Variants in CASZ1 observed in about 807,000 individuals in gnomAD.
CASZ1 encodes zinc finger protein castor homolog 1.
CASZ1 carries 28 observed loss-of-function variants against 135.2 expected under a neutral mutation model. The observed-to-expected ratio is 0.21, with a 90% CI of 0.15 to 0.28. CASZ1 has a LOEUF of 0.28. Among genes scored for constraint, CASZ1 ranks in the 10% least tolerant of loss-of-function variants. The probability of loss-of-function intolerance (pLI) is 1.00; values close to 1 mark genes in which losing one functional copy is unlikely to be tolerated. For missense variants in CASZ1, 2,161 were observed against 2,453.3 expected, an observed-to-expected ratio of 0.88 and a Z score of 2.52; for synonymous variants, 1,068 against 1,073.4, an observed-to-expected ratio of 0.99 and a Z score of 0.10.
intron 1 of CASZ1, among the ~76,000 whole-genome samples, chr1:10,768,591 G>A (rs1323089850): frequency 6.6e-6 from 1 of 152,222 alleles, no homozygotes; most frequent in Non-Finnish European, 1.5e-5. Context: ...GAAGGGTGAG[G>A]AGGAGGCATC....
rs1643242386 is a variant in CASZ1, at chr1:10,666,601, G to A, written c.17-1030C>T. Reference sequence around the variant, plus strand: ...CGGTCACAGCACCTAATCCCCGAATGTGACAGCCCGACACACACAGCCGGA... The same window carrying A: ...CGGTCACAGCACCTAATCCCCGAATATGACAGCCCGACACACACAGCCGGA... On this transcript the variant is annotated intron_variant, in intron 4 of 20. Coordinates refer to ENST00000377022, the MANE Select transcript of CASZ1 (RefSeq NM_001079843.3). This position sits in a 1 kb window ranked among gnomAD's most constrained non-coding sequence, Gnocchi z 5.2. 6.6e-6 allele frequency among the ~76,000 whole-genome samples: 1 copy of A among 152,178 alleles called. No homozygotes were observed. Among genetic ancestry groups the A allele is most frequent in the Non-Finnish European group, 1.5e-5 (1 of 68,036 alleles).
chr1:10,688,143 G>A (rs563760407), intron 4 of CASZ1, among the ~76,000 whole-genome samples: 73 of 152,342 alleles, frequency 4.8e-4, no homozygotes, highest in East Asian at 1.2e-3. Flanking sequence ...AGGAGCAGCC[G>A]TGGCAGAGGA....
rs192639071 is a variant in CASZ1 at position 10,691,640 on chromosome 1, G to A, written c.16+2234C>T. On this transcript the variant is annotated intron_variant, in intron 4 of 20. Coordinates refer to ENST00000377022, the MANE Select transcript of CASZ1 (RefSeq NM_001079843.3). ...GCCACGAGCCCCGGCCAGAGACGAG[G>A]CCCATGGCCCCAGCTGTATGCCGTG... 2.7e-4 allele frequency among the ~76,000 whole-genome samples: 41 copies of A among 152,342 alleles called. No individual in the cohort carries two copies. The East Asian group carries it at 7.9e-3, about 29-fold the overall frequency.
At chr1:10,687,236 C>A (rs1423220073) in intron 4 of CASZ1, among the ~76,000 whole-genome samples, 3 of 152,208 alleles carry the variant, frequency 2.0e-5, no homozygotes, top group African/African-American at 4.8e-5. Context: ...GGCCAGGCGA[C>A]CTTTGGGAAC....
Position 10,749,176 on chromosome 1 carries a change from A to G in CASZ1, c.-77+11525T>C, listed in dbSNP as rs147592904. On this transcript the variant is annotated intron_variant, in intron 2 of 20. Transcript: ENST00000377022. ...TAGACACAGCCAGATGGTCTCCACGACATGCCCTCCACCCTGTCCCCATCT... is the reference window on the plus strand; with the variant it reads ...TAGACACAGCCAGATGGTCTCCACGGCATGCCCTCCACCCTGTCCCCATCT... Among the ~76,000 whole-genome samples the G allele has an allele frequency of 1.1e-3, 168 of 152,062 alleles. 2 individuals carry two copies. The East Asian group carries it at 0.03, about 27-fold the overall frequency.
Position 10,756,148 on chromosome 1 carries a change from G to A in CASZ1, c.-77+4553C>T, listed in dbSNP as rs1255461390. On this transcript the variant is annotated intron_variant, in intron 2 of 20. Transcript: ENST00000377022. This position sits in a 1 kb window ranked among gnomAD's most constrained non-coding sequence, Gnocchi z 5.9. ...AGCCAGGCAGAGGCACCAGCTGTAG[G>A]CCTGGGAGAGCCCCACCACTCCCGC... Among the ~76,000 whole-genome samples the A allele has an allele frequency of 6.6e-6, 1 of 152,050 alleles. No homozygotes were observed. Among genetic ancestry groups the A allele is most frequent in the Non-Finnish European group, 1.5e-5 (1 of 67,982 alleles).
intron 2 of CASZ1, among the ~76,000 whole-genome samples, chr1:10,712,104 G>A (rs577201637): frequency 4.3e-4 from 66 of 152,244 alleles, no homozygotes; most frequent in Middle Eastern, 3.4e-3. Flanking sequence ...CCAGCACTTC[G>A]GGAGACCAAG....
At chr1:10,649,576 T>G in intron 13 of CASZ1, 139 bp from the exon 14 acceptor site, 1 of 1,003,238 alleles carries the variant, frequency 1.0e-6, no homozygotes, top group Non-Finnish European at 1.4e-6. Context: ...GCCCGCCTAC[T>G]TGGCTCTGGC....
chr1:10,650,784 C>T (rs763134403), intron 12 of CASZ1, 29 bp from the exon 13 acceptor site: 1 of 1,598,188 alleles, frequency 6.3e-7, no homozygotes, highest in Admixed American at 1.7e-5. Flanking sequence ...GGGACTTGAG[C>T]TCAGACGGCC....
intron 4 of CASZ1, among the ~76,000 whole-genome samples, chr1:10,693,386 G>C (rs1638825975): frequency 1.3e-5 from 2 of 148,888 alleles, no homozygotes; most frequent in Admixed American, 1.4e-4. Flanking sequence ...CCCGAAACCA[G>C]ACTAACCACC....
intron 2 of CASZ1, among the ~76,000 whole-genome samples, chr1:10,737,576 T>C (rs1639824566): frequency 6.6e-6 from 1 of 152,228 alleles, no homozygotes; most frequent in African/African-American, 2.4e-5. Flanking sequence ...CTGAGATATC[T>C]GGGGGACCTC....
At chr1:10,780,357 G>C (rs973093062) in intron 1 of CASZ1, among the ~76,000 whole-genome samples, 1 of 152,178 alleles carries the variant, frequency 6.6e-6, no homozygotes, top group Non-Finnish European at 1.5e-5. Context: ...GGTCTCGCCT[G>C]CCTCTCCATT....
intron 1 of CASZ1, among the ~76,000 whole-genome samples, chr1:10,764,930 T>A (rs1034197849): frequency 6.6e-6 from 1 of 152,210 alleles, no homozygotes; most frequent in African/African-American, 2.4e-5. Flanking sequence ...TTGCAACCTG[T>A]CATCTGACAG....
chr1:10,665,243 C>A lies in CASZ1; in HGVS notation c.345G>T (p.Glu115Asp). 1 of 1,603,992 alleles carries A rather than the reference C, an allele frequency of 6.2e-7. No individual in the cohort carries two copies. ...CCATGTAGACACCCTCGGGAGGCAG[C>A]TCCAGGCCCTCGCGGGCAATCCGCC... ...VLGRIAREGL[E>D]LPPEGVYMVQ... Residue 115 changes from glutamate (E) to aspartate (D), a missense_variant, in exon 5 of 21, where the codon GAG becomes GAT. Transcript: ENST00000377022.
intron 2 of CASZ1, among the ~76,000 whole-genome samples, chr1:10,733,596 G>A (rs1399982790): frequency 6.6e-6 from 1 of 152,174 alleles, no homozygotes; most frequent in Non-Finnish European, 1.5e-5. Flanking sequence ...TATAACTCAG[G>A]GACGGGCACT....
rs1024382649 is a variant in CASZ1, at chr1:10,647,732, C to A, written c.3497+69G>T. 9 of 1,600,510 alleles carry A rather than the reference C, an allele frequency of 5.6e-6. No individual in the cohort carries two copies. In the East Asian group the frequency reaches 1.6e-4, roughly 28 times the overall value. On this transcript the variant is annotated intron_variant, in intron 16 of 20. Transcript: ENST00000377022. This position sits in a 1 kb window ranked among gnomAD's most constrained non-coding sequence, Gnocchi z 4.9. Reference sequence around the variant, plus strand: ...CGCAGTGAGGAACAGGGCCTCCTAGCGCCCTTGCTAGCACCTACTCCCGAG... The same window carrying A: ...CGCAGTGAGGAACAGGGCCTCCTAGAGCCCTTGCTAGCACCTACTCCCGAG...
In CASZ1 at chr1:10,720,122, G is replaced by A. The variant is rs901559755; in HGVS notation, c.-76-14578C>T. Among the ~76,000 whole-genome samples, 3 of 152,240 alleles carry A rather than the reference G, an allele frequency of 2.0e-5. No homozygotes were observed. The highest frequency in any genetic ancestry group is 4.4e-5 in the Non-Finnish European group (3 of 68,046). On this transcript the variant is annotated intron_variant, in intron 2 of 20. Transcript: ENST00000377022. This position sits in a 1 kb window ranked among gnomAD's most constrained non-coding sequence, Gnocchi z 5.7. ...CAAGTTCTGAAGTCTGGTAGGTACCGATGGGCATGTGATCTGGCCTCTCCG... is the reference window on the plus strand; with the variant it reads ...CAAGTTCTGAAGTCTGGTAGGTACCAATGGGCATGTGATCTGGCCTCTCCG...
Position 10,654,022 on chromosome 1 carries a change from A to C in CASZ1, c.2035T>G (p.Phe679Val), listed in dbSNP as rs1464435396. The C allele has an allele frequency of 6.2e-7, 1 of 1,614,202 alleles. No homozygotes were observed. The highest frequency in any genetic ancestry group is 8.5e-7 in the Non-Finnish European group (1 of 1,180,028). Residue 679 changes from phenylalanine (F) to valine (V), a missense_variant, in exon 11 of 21, where the codon TTC (phenylalanine) becomes GTC (valine). Transcript: ENST00000377022. ...GAGGTCATCTGGCTGGTGGAGGTGA[A>C]GGTGAAGCCGCAGCCGGCGCGGATG... The part of the protein sequence containing the change: ...HCIRAGCGFT[F>V]TSTSQMTSHK...
At chr1:10,681,319 G>C (rs560886291) in intron 4 of CASZ1, among the ~76,000 whole-genome samples, 5 of 152,068 alleles carry the variant, frequency 3.3e-5, no homozygotes, top group African/African-American at 7.2e-5. Context: ...GAGCATGTAC[G>C]GGGTCAGTCA....
Sources: allele counts gnomAD v4.1 joint callset (sites outside exome capture counted in the v4.1 genomes callset), GRCh38; gene constraint gnomAD v4.1.1; non-coding constraint Gnocchi (gnomAD v3.1); transcripts MANE v1.5; gene names NCBI Gene and HGNC (gene_info 2026-07-23, HGNC 2026-07-21).